The following PALM2AKAP2 variants were observed in gnomAD, a reference collection of about 807,000 sequenced individuals.
PALM2AKAP2 encodes the protein PALM2-AKAP2 fusion protein.
Under a neutral mutation model 71.5 loss-of-function variants are expected in PALM2AKAP2, and 37 were observed. That is an observed-to-expected ratio of 0.52 (90% confidence interval 0.40 to 0.68). The LOEUF (loss-of-function observed/expected upper bound fraction) is 0.68, where lower values mean the gene tolerates loss of function less well. PALM2AKAP2 is among the 30% of genes least tolerant of loss of function. The pLI is 0.00. For synonymous variants in PALM2AKAP2, 468 were observed against 478.8 expected, an observed-to-expected ratio of 0.98 and a Z score of 0.29; for missense variants, 1,224 against 1,191.8, an observed-to-expected ratio of 1.03 and a Z score of -0.40.
At chr9:109,716,347 C>T (rs1372980999) in intron 1 of PALM2AKAP2, among the ~76,000 whole-genome samples, 1 of 152,126 alleles carries the variant, frequency 6.6e-6, no homozygotes, top group Non-Finnish European at 1.5e-5. Flanking sequence ...AACTCTATGT[C>T]CAGAACCAAG....
intron 3 of PALM2AKAP2, among the ~76,000 whole-genome samples, chr9:109,884,778 A>G (rs763231746): frequency 5.3e-5 from 8 of 152,246 alleles, no homozygotes; most frequent in Non-Finnish European, 8.8e-5. Flanking sequence ...ACTATAAAGT[A>G]TATTAGTACA....
chr9:109,882,927 G>A (rs1829886474), intron 3 of PALM2AKAP2, among the ~76,000 whole-genome samples: 2 of 152,102 alleles, frequency 1.3e-5, no homozygotes, highest in South Asian at 4.2e-4. Context: ...GGGATTACAG[G>A]TGTGAACCAC....
chr9:110,009,381 G>A (rs920033509), intron 6 of PALM2AKAP2, among the ~76,000 whole-genome samples: 3 of 152,056 alleles, frequency 2.0e-5, no homozygotes, highest in African/African-American at 7.2e-5. Context: ...GCCGCCTGAC[G>A]CCTTCATTGT....
At chr9:109,746,330 GC>G (rs980605084) in intron 1 of PALM2AKAP2, among the ~76,000 whole-genome samples, 1 of 152,180 alleles carries the variant, frequency 6.6e-6, no homozygotes, top group African/African-American at 2.4e-5. Flanking sequence ...AGAAAAGCTA[GC>G]CAGATAACTC....
At chr9:109,692,099 G>C (rs1222586707) in intron 1 of PALM2AKAP2, among the ~76,000 whole-genome samples, 2 of 150,246 alleles carry the variant, frequency 1.3e-5, no homozygotes, top group Non-Finnish European at 3.0e-5. Flanking sequence ...TTTAAATTGA[G>C]ATATAATTCA....
rs189360787 is a variant in PALM2AKAP2 at position 109,677,366 on chromosome 9, A to G, written c.5+36500A>G. Among the ~76,000 whole-genome samples the G allele has an allele frequency of 1.2e-3, 184 of 152,244 alleles. 1 individual carries two copies. Among genetic ancestry groups the G allele is most frequent in the African/African-American group, 4.1e-3 (170 of 41,546 alleles). On this transcript the variant is annotated intron_variant, in intron 1 of 6. Coordinates refer to the PALM2AKAP2 transcript ENST00000374531. ...CTTTAACGTAAAGTTTGACTTGGCT[A>G]TAGAATTTTTGCCATACCAGGTTGG...
chr9:109,695,861 C>T (rs1368697952), intron 1 of PALM2AKAP2, among the ~76,000 whole-genome samples: 1 of 151,896 alleles, frequency 6.6e-6, no homozygotes, highest in African/African-American at 2.4e-5. Flanking sequence ...CAGTGGTTAC[C>T]AGAGGTTGAC....
chr9:109,853,217 G>A (rs1266846593), intron 1 of PALM2AKAP2, among the ~76,000 whole-genome samples: 2 of 152,092 alleles, frequency 1.3e-5, no homozygotes, highest in East Asian at 3.9e-4. Flanking sequence ...AAAGCACTCA[G>A]AACTGCGCGT....
intron 1 of PALM2AKAP2, among the ~76,000 whole-genome samples, chr9:110,096,996 G>A (rs988753363): frequency 8.9e-5 from 13 of 146,428 alleles, no homozygotes; most frequent in African/African-American, 2.3e-4. Flanking sequence ...GGTGTTTCTC[G>A]CAGAGGGGGA....
chr9:109,719,111 T>G (rs1828369472), intron 1 of PALM2AKAP2, among the ~76,000 whole-genome samples: 1 of 152,188 alleles, frequency 6.6e-6, no homozygotes, highest in African/African-American at 2.4e-5. Flanking sequence ...GAAAATTACT[T>G]AATTCATCAC....
intron 1 of PALM2AKAP2, among the ~76,000 whole-genome samples, chr9:109,799,169 A>G (rs12684535): frequency 0.18 from 27,253 of 152,168 alleles, 2,795 homozygotes; most frequent in East Asian, 0.34. Flanking sequence ...GCAAAGTGAC[A>G]AGGTTTGTGA....
At chr9:110,072,950 A>G (rs1037998697) in intron 1 of PALM2AKAP2, among the ~76,000 whole-genome samples, 3 of 152,284 alleles carry the variant, frequency 2.0e-5, no homozygotes, top group East Asian at 1.9e-4. Context: ...GAATCATTCA[A>G]TTAGGAAATG....
chr9:109,929,245 T>C (rs1196141015), intron 5 of PALM2AKAP2, among the ~76,000 whole-genome samples: 11 of 150,954 alleles, frequency 7.3e-5, no homozygotes, highest in African/African-American at 2.7e-4. Context: ...GTCCATGAGA[T>C]CTCACATGGG....
intron 1 of PALM2AKAP2, among the ~76,000 whole-genome samples, chr9:110,107,367 T>G (rs1378941912): frequency 1.3e-5 from 2 of 152,176 alleles, no homozygotes; most frequent in Non-Finnish European, 2.9e-5. Context: ...TATGTACAAG[T>G]AATATATAAT....
chr9:109,839,919 C>T (rs181830145), intron 1 of PALM2AKAP2, among the ~76,000 whole-genome samples: 68 of 152,266 alleles, frequency 4.5e-4, no homozygotes, highest in African/African-American at 1.4e-3. Context: ...AAATCAATAT[C>T]GTGAAAATGG....
chr9:109,818,679 C>G (rs1364407467), intron 1 of PALM2AKAP2, among the ~76,000 whole-genome samples: 1 of 152,194 alleles, frequency 6.6e-6, no homozygotes, highest in East Asian at 1.9e-4. Context: ...AGGCTGAACT[C>G]AAACTCCTGG....
chr9:109,935,735 C>T (rs1255772234), intron 6 of PALM2AKAP2, among the ~76,000 whole-genome samples: 12 of 152,202 alleles, frequency 7.9e-5, no homozygotes, highest in Admixed American at 7.9e-4. Context: ...GTGTCAGCTT[C>T]CAGCACCTTT....
chr9:109,775,498 C>G (rs529604476), upstream of PALM2AKAP2, among the ~76,000 whole-genome samples: 27 of 152,344 alleles, frequency 1.8e-4, no homozygotes, highest in African/African-American at 6.3e-4. Flanking sequence ...GAGCTAACAA[C>G]CACAGGAGCC....
At chr9:109,842,462 C>T (rs1025131179) in intron 1 of PALM2AKAP2, among the ~76,000 whole-genome samples, 8 of 152,136 alleles carry the variant, frequency 5.3e-5, no homozygotes, top group South Asian at 4.1e-4. Flanking sequence ...TCTGGTGAGG[C>T]GGGTACGCAG....
Sources: allele counts gnomAD v4.1 joint callset (sites outside exome capture counted in the v4.1 genomes callset), GRCh38; gene constraint gnomAD v4.1.1; transcripts MANE v1.5; gene names NCBI Gene and HGNC (gene_info 2026-07-23, HGNC 2026-07-21).